Variants in PRORP observed in about 807,000 individuals in gnomAD.
The protein encoded by PRORP is mitochondrial ribonuclease P catalytic subunit.
In PRORP, 51 loss-of-function variants were observed where a neutral mutation model predicts 59.4. The ratio of observed to expected loss-of-function variants is 0.86; its 90% confidence interval spans 0.69 to 1.08. PRORP has a LOEUF of 1.08. PRORP is among the 50% of genes least tolerant of loss of function. PRORP has a pLI of 0.00. For missense variants in PRORP, 646 were observed against 690.3 expected (o/e 0.94, Z 0.72); for synonymous variants, 231 against 245.6 (o/e 0.94, Z 0.55).
intron 4 of PRORP, among the ~76,000 whole-genome samples, chr14:35,153,773 T>C (rs1198266606): frequency 6.6e-6 from 1 of 152,200 alleles, no homozygotes; most frequent in Non-Finnish European, 1.5e-5. Flanking sequence ...AACATTTTGG[T>C]ATATGTAGAG....
chr14:35,188,225 C>G (rs1190978910), intron 5 of PRORP, among the ~76,000 whole-genome samples: 1 of 129,250 alleles, frequency 7.7e-6, no homozygotes, highest in African/African-American at 2.9e-5. Flanking sequence ...GAGTCTCGCT[C>G]TGTTGCCCAG....
intron 4 of PRORP, among the ~76,000 whole-genome samples, chr14:35,147,459 C>T (rs994219818): frequency 2.0e-5 from 3 of 152,220 alleles, no homozygotes; most frequent in African/African-American, 7.2e-5. Context: ...CCTCCCACCT[C>T]AGCCTCCTGA....
intron 5 of PRORP, among the ~76,000 whole-genome samples, chr14:35,234,830 C>G (rs1267686144): frequency 6.6e-6 from 1 of 151,906 alleles, no homozygotes; most frequent in African/African-American, 2.4e-5. Flanking sequence ...AAGCACACAC[C>G]ACCATGCCCA....
At chr14:35,172,052 A>ATTTTT (rs149889091) in intron 4 of PRORP, among the ~76,000 whole-genome samples, 5 of 140,712 alleles carry the variant, frequency 3.6e-5, no homozygotes, top group Admixed American at 7.1e-5. Flanking sequence ...TTTACTTCTA[A>ATTTTT]TTTTTTTTTT....
chr14:35,188,617 T>C (rs2048803048), intron 5 of PRORP, among the ~76,000 whole-genome samples: 1 of 152,128 alleles, frequency 6.6e-6, no homozygotes. Context: ...ATGGAAGTTT[T>C]AGTTTTGATG....
chr14:35,232,458 T>C (rs2050106521), intron 5 of PRORP, among the ~76,000 whole-genome samples: 1 of 152,202 alleles, frequency 6.6e-6, no homozygotes, highest in Non-Finnish European at 1.5e-5. Context: ...GCAGTTCTCC[T>C]GCCTCAACCC....
chr14:35,159,060 T>C, intron 4 of PRORP: 6 of 251,256 alleles, frequency 2.4e-5, no homozygotes, highest in Non-Finnish European at 4.8e-5. Flanking sequence ...ACGGTGCTGC[T>C]GTTGACGCTC....
intron 5 of PRORP, among the ~76,000 whole-genome samples, chr14:35,243,407 G>A (rs1055240183): frequency 3.3e-5 from 5 of 151,594 alleles, no homozygotes; most frequent in Non-Finnish European, 7.4e-5. Context: ...GTGGTGGTGC[G>A]CCCCAGTGGT....
chr14:35,134,132 A>G (rs1179679812), intron 4 of PRORP, among the ~76,000 whole-genome samples: 2 of 152,162 alleles, frequency 1.3e-5, no homozygotes, highest in Non-Finnish European at 2.9e-5. Context: ...GTAGAGTCAA[A>G]AATCTTAGAA....
At chr14:35,161,338 G>A (rs2415267) in intron 4 of PRORP, among the ~76,000 whole-genome samples, 80,317 of 151,942 alleles carry the variant, frequency 0.53, 21,550 homozygotes, top group East Asian at 0.69. Context: ...AAGGCCCAGA[G>A]AAGTGAAGCG....
At chr14:35,167,684 A>AT (rs1057435159) in intron 4 of PRORP, among the ~76,000 whole-genome samples, 1 of 152,158 alleles carries the variant, frequency 6.6e-6, no homozygotes, top group Non-Finnish European at 1.5e-5. Context: ...ACAGAGATGG[A>AT]TTTTTTATTT....
chr14:35,233,705 G>A (rs138214803), intron 5 of PRORP, among the ~76,000 whole-genome samples: 19 of 150,778 alleles, frequency 1.3e-4, no homozygotes, highest in Middle Eastern at 3.4e-3. Context: ...AATTTTTTTC[G>A]TTTCCTTTTT....
intron 5 of PRORP, among the ~76,000 whole-genome samples, chr14:35,226,864 AACTGGGCCTAGAG>A (rs938513557): frequency 2.6e-5 from 4 of 151,910 alleles, no homozygotes; most frequent in African/African-American, 9.7e-5. Context: ...CCTCCCAAGT[AACTGGGCCTAGAG>A]ACATGCACTA....
At chr14:35,121,934 C>G (rs775556346), upstream of PRORP, 2 of 1,614,156 alleles carry the variant, frequency 1.2e-6, no homozygotes, top group Non-Finnish European at 1.7e-6. Flanking sequence ...CGCTAGGCGC[C>G]GACGAAGAAC....
intron 5 of PRORP, among the ~76,000 whole-genome samples, chr14:35,199,949 C>G (rs768942923): frequency 1.3e-5 from 2 of 152,144 alleles, no homozygotes; most frequent in Non-Finnish European, 2.9e-5. Context: ...ATCAGGAAAA[C>G]CCCCTGAAAA....
intron 4 of PRORP, among the ~76,000 whole-genome samples, chr14:35,156,939 AT>A (rs921191931): frequency 4.9e-5 from 7 of 142,230 alleles, no homozygotes; most frequent in African/African-American, 1.8e-4. Flanking sequence ...ATGGTAGTTC[AT>A]TTTTTTCTTT....
intron 4 of PRORP, among the ~76,000 whole-genome samples, chr14:35,148,834 C>T (rs1595189649): frequency 6.6e-6 from 1 of 151,872 alleles, no homozygotes; most frequent in East Asian, 1.9e-4. Context: ...CTTCACCTTG[C>T]ACTTTTTTTG....
In PRORP at chr14:35,180,379, C is replaced by T. The variant is rs80005656; in HGVS notation, c.1168-291C>T. ...CTATCATGTGGGTTAATTTAGAAGT[C>T]TAGATAGGCCAGCTGCAGATCAAAT... On this transcript the variant is annotated intron_variant, in intron 4 of 7. Transcript: ENST00000534898. 4.4e-3 allele frequency among the ~76,000 whole-genome samples: 675 copies of T among 152,240 alleles called. 9 individuals are homozygous for T. The highest frequency in any genetic ancestry group is 0.015 in the African/African-American group (636 of 41,530).
At chr14:35,215,578 C>T (rs771674778) in intron 5 of PRORP, among the ~76,000 whole-genome samples, 6 of 151,830 alleles carry the variant, frequency 4.0e-5, no homozygotes, top group South Asian at 2.1e-4. Context: ...ACAAAGTGAC[C>T]GTGACTCAAA....
Sources: gnomAD v4.1 joint callset for allele counts (sites outside exome capture counted in the v4.1 genomes callset) on GRCh38, gnomAD v4.1.1 for gene constraint, MANE v1.5 for transcripts, NCBI Gene and HGNC (gene_info 2026-07-23, HGNC 2026-07-21) for gene names.